Variants in LAT2 observed in about 807,000 individuals in gnomAD.
The protein encoded by LAT2 is linker for activation of T cells family member 2, also known as linker for activation of T-cells family member 2.
A neutral mutation model predicts 43.4 loss-of-function variants in LAT2; 23 were observed. That is an observed-to-expected ratio of 0.53 (90% CI 0.38 to 0.75). LAT2 has a LOEUF of 0.75. Among genes scored for constraint, LAT2 ranks in the 30% least tolerant of loss-of-function variants. The pLI is 0.00. For missense variants in LAT2, 284 were observed against 310.2 expected, an observed-to-expected ratio of 0.92 and a Z score of 0.64; for synonymous variants, 128 against 123.2, an observed-to-expected ratio of 1.04 and a Z score of -0.26.
chr7:74,213,307 GAC>G (rs1468196853), intron 1 of LAT2, among the ~76,000 whole-genome samples: 2 of 151,468 alleles, frequency 1.3e-5, no homozygotes, highest in Non-Finnish European at 2.9e-5. Context: ...TTTTTTAGTA[GAC>G]ACAGGGTTTC....
chr7:74,221,664 C>T lies in LAT2; in HGVS notation c.360C>T (p.Asn120=). 1 of 1,613,346 alleles carries T rather than the reference C, an allele frequency of 6.2e-7. No individual in the cohort carries two copies. The highest frequency in any genetic ancestry group is 8.5e-7 in the Non-Finnish European group (1 of 1,179,600). ...ACCCCATTGCCATGGAGTATTACAACTGGGGGCGGTTCTCGAAGCCCCCAG... is the reference window on the plus strand; with the variant it reads ...ACCCCATTGCCATGGAGTATTACAATTGGGGGCGGTTCTCGAAGCCCCCAG... ...YIDPIAMEYY[N]WGRFSKPPED... Residue 120 remains asparagine, a synonymous_variant, in exon 10 of 14, where the codon AAC becomes AAT. Transcript: ENST00000460943.
chr7:74,218,163 T>C (rs1802111181), intron 4 of LAT2, among the ~76,000 whole-genome samples: 1 of 152,324 alleles, frequency 6.6e-6, no homozygotes, highest in South Asian at 2.1e-4. Context: ...CTCCCTGGAA[T>C]GCCTGTGCCT....
chr7:74,215,608 G>A (rs1232481331), intron 2 of LAT2, among the ~76,000 whole-genome samples: 3 of 152,164 alleles, frequency 2.0e-5, no homozygotes, highest in Admixed American at 2.0e-4. Context: ...TCAGTTTCTC[G>A]ATTTGTGAAA....
chr7:74,224,829 A>G (rs1220946408), intron 13 of LAT2, 69 bp downstream of exon 13: 19 of 1,157,346 alleles, frequency 1.6e-5, no homozygotes, highest in Non-Finnish European at 2.3e-5. Flanking sequence ...AGGACCCCCA[A>G]TCCAAGGGAA....
Position 74,221,688 on chromosome 7 carries a change from A to G in LAT2, c.384A>G (p.Pro128=), listed in dbSNP as rs11544217. Residue 128 remains proline, a synonymous_variant, in exon 10 of 14, where the codon CCA becomes CCG. Transcript: ENST00000460943. ...YYNWGRFSKP[P]EDDDANSYEN... is the part of the protein sequence containing the mutation. The stretch of plus-strand genomic sequence containing the variant: ...ACTGGGGGCGGTTCTCGAAGCCCCC[A>G]GAAGGTGAGGCGAAGGACAAAGCCG... The G allele has an allele frequency of 6.5e-3, 10,513 of 1,612,794 alleles. 545 individuals carry two copies. In the African/African-American group the frequency reaches 0.11, roughly 17 times the overall value.
intron 1 of LAT2, 29 bp from the exon 2 acceptor site, chr7:74,214,781 ATATATATATATT>A (rs1801970716): frequency 4.8e-5 from 4 of 84,102 alleles, no homozygotes; most frequent in African/African-American, 2.3e-4. Flanking sequence ...ATATAAATAT[ATATATATATATT>A]TTTTTTTTTT....
intron 10 of LAT2, among the ~76,000 whole-genome samples, chr7:74,223,097 G>C (rs533021400): frequency 1.3e-5 from 2 of 152,316 alleles, no homozygotes; most frequent in East Asian, 3.9e-4. Context: ...CCTGATTATA[G>C]AGATGAACCC....
At chr7:74,215,876 G>T in intron 2 of LAT2, 71 bp from the exon 3 acceptor site, 1 of 1,059,616 alleles carries the variant, frequency 9.4e-7, no homozygotes, top group Non-Finnish European at 1.5e-6. Context: ...GGGGCTGTCC[G>T]AGCACAGTGG....
At chr7:74,228,425 G>A (rs538094128) in intron 13 of LAT2, among the ~76,000 whole-genome samples, 10 of 149,246 alleles carry the variant, frequency 6.7e-5, no homozygotes, top group Admixed American at 1.3e-4. Context: ...GCAGTGAGCC[G>A]AGATCACGCC....
At chr7:74,227,289 T>C (rs1802527374) in intron 13 of LAT2, among the ~76,000 whole-genome samples, 2 of 152,014 alleles carry the variant, frequency 1.3e-5, no homozygotes, top group Non-Finnish European at 2.9e-5. Context: ...TGGCGTGATC[T>C]CGGCTCACTG....
chr7:74,212,608 G>A (rs1475866839), intron 1 of LAT2, among the ~76,000 whole-genome samples: 1 of 152,126 alleles, frequency 6.6e-6, no homozygotes, highest in Non-Finnish European at 1.5e-5. Context: ...ACTGAGGCGG[G>A]GGGCTCTCAG....
At chr7:74,226,841 G>T (rs531133814) in intron 13 of LAT2, among the ~76,000 whole-genome samples, 8 of 152,068 alleles carry the variant, frequency 5.3e-5, no homozygotes, top group African/African-American at 9.7e-5. Context: ...CACCCCATCT[G>T]GGGGAAGGAC....
chr7:74,211,452 T>C (rs1801734392), intron 1 of LAT2, among the ~76,000 whole-genome samples: 1 of 152,082 alleles, frequency 6.6e-6, no homozygotes, highest in South Asian at 2.1e-4. Flanking sequence ...TAATTTTTTA[T>C]TTTTTATTTA....
chr7:74,220,500 T>G lies in LAT2; in HGVS notation c.266-84T>G. 6.4e-7 allele frequency: 1 copy of G among 1,552,866 alleles called. No homozygotes were observed. Among genetic ancestry groups the G allele is most frequent in the South Asian group, 1.1e-5 (1 of 88,990 alleles). On this transcript the variant is annotated intron_variant, in intron 7 of 13. Transcript: ENST00000460943. This position sits in a 1 kb window ranked among gnomAD's most constrained non-coding sequence, Gnocchi z 4.5. Reference sequence around the variant, plus strand: ...CAAAGGCTCAGACACGGGAAATAGCTGGCCCTGCCTTGGGCTGCAGCACCC... The same window carrying G: ...CAAAGGCTCAGACACGGGAAATAGCGGGCCCTGCCTTGGGCTGCAGCACCC...
chr7:74,221,815 T>C, intron 10 of LAT2, 123 bp downstream of exon 10: 2 of 539,130 alleles, frequency 3.7e-6, no homozygotes, highest in South Asian at 5.0e-5. Context: ...GCCGGTTGGG[T>C]GGACAGAAGG....
chr7:74,210,124 T>A (rs1554712928), intron 1 of LAT2, 36 bp downstream of exon 1: 5 of 152,516 alleles, frequency 3.3e-5, no homozygotes, highest in Non-Finnish European at 7.3e-5. Context: ...GTCCTCAGGC[T>A]GTCCCCCATC....
Position 74,221,657 on chromosome 7 carries a change from A to G in LAT2, c.353A>G (p.Tyr118Cys). 1 of 1,613,472 alleles carries G rather than the reference A, an allele frequency of 6.2e-7. No homozygotes were observed. Among genetic ancestry groups the G allele is most frequent in the Non-Finnish European group, 8.5e-7 (1 of 1,179,694 alleles). ...EAYIDPIAME[Y>C]YNWGRFSKPP... is the part of the protein sequence containing the mutation. ...GCCAGAGACCCCATTGCCATGGAGT[A>G]TTACAACTGGGGGCGGTTCTCGAAG... The change falls in exon 10 of 14, where the codon TAT becomes TGT. Residue 118 changes from tyrosine (Y) to cysteine (C), a missense_variant. Tyr to Cys is a radical substitution (Grantham distance 194). Transcript: ENST00000460943.
chr7:74,224,457 T>A (rs1554715776), intron 12 of LAT2, among the ~76,000 whole-genome samples, 182 bp from the exon 13 acceptor site: 1 of 152,140 alleles, frequency 6.6e-6, no homozygotes, highest in Admixed American at 6.5e-5. Context: ...ATTCACCTGC[T>A]CTCACAGCAG....
At position 74,216,591 on chromosome 7, in the gene LAT2, C is replaced by T. The variant is rs184625715; in HGVS notation, c.95-234C>T. On this transcript the variant is annotated intron_variant, in intron 3 of 13. Coordinates refer to ENST00000460943, the MANE Select transcript of LAT2 (RefSeq NM_032464.3). ...TTCCCCATGTTGGCCAGGCTGGTCA[C>T]GAACTGCTGACCTCATGTGATCCTC... Among the ~76,000 whole-genome samples the T allele has an allele frequency of 4.2e-3, 633 of 152,206 alleles. 7 individuals carry two copies. The highest frequency in any genetic ancestry group is 0.015 in the African/African-American group (610 of 41,532).
Sources: gnomAD v4.1 joint callset for allele counts (sites outside exome capture counted in the v4.1 genomes callset) on GRCh38, gnomAD v4.1.1 for gene constraint, Gnocchi (gnomAD v3.1) non-coding constraint, MANE v1.5 for transcripts, NCBI Gene and HGNC (gene_info 2026-07-23, HGNC 2026-07-21) for gene names.